Variants in ZNF207 observed in about 807,000 individuals in gnomAD.
ZNF207 encodes the protein BUB3-interacting and GLEBS motif-containing protein ZNF207.
ZNF207 carries 24 observed loss-of-function variants against 60.2 expected under a neutral mutation model. The ratio of observed to expected loss-of-function variants is 0.40; its 90% CI spans 0.29 to 0.56. The LOEUF is 0.56. Among genes scored for constraint, ZNF207 ranks in the 20% least tolerant of loss-of-function variants. ZNF207 has a pLI of 0.49. For synonymous variants in ZNF207, 236 were observed against 194.7 expected (o/e 1.21, Z -1.77); for missense variants, 452 against 636.6 (o/e 0.71, Z 3.12).
intron 7 of ZNF207, among the ~76,000 whole-genome samples, chr17:32,364,221 T>C (rs1905049209): frequency 6.6e-6 from 1 of 152,100 alleles, no homozygotes; most frequent in Non-Finnish European, 1.5e-5. Context: ...GCTCTTTAGC[T>C]CCTTACGTAT....
At chr17:32,366,814 G>A in intron 9 of ZNF207, 57 bp downstream of exon 9, 2 of 1,430,152 alleles carry the variant, frequency 1.4e-6, no homozygotes, top group Admixed American at 2.5e-5. Context: ...TTAACCCTTT[G>A]GACCCTACTT....
chr17:32,369,980 CT>C lies in ZNF207; in HGVS notation c.*226del. ...AGTTGCAATTTATACTGTATGGCTT[CT>C]TTTTCATGTTTCATCTAGGTTTTTA... On this transcript the variant is annotated 3_prime_UTR_variant, in exon 12 of 12. Transcript: ENST00000394670. 2.4e-6 allele frequency: 1 copy of C among 420,582 alleles called. No individual in the cohort carries two copies. Among genetic ancestry groups the C allele is most frequent in the Non-Finnish European group, 3.9e-6 (1 of 256,718 alleles). The allele number at this position is 420,582 out of a possible 1,614,324, so 26.1% of individuals were successfully genotyped here.
chr17:32,351,430 A>C, intron 1 of ZNF207: 1 of 1,326,214 alleles, frequency 7.5e-7, no homozygotes. Context: ...ACAGAACCTT[A>C]GGGATTTCTT....
In ZNF207 at chr17:32,360,594, A is replaced by T; in HGVS notation, c.308-4A>T. On this transcript the variant is annotated splice_region_variant and splice_polypyrimidine_tract_variant and intron_variant, in intron 3 of 11. Coordinates refer to ENST00000394670, the MANE Select transcript of ZNF207 (RefSeq NM_001098507.2). ...CTATGGAAATAATTTTTTTTTTTTAACAGAAAGTCAAAAAAAGAAGCAACA... is the reference window on the plus strand; with the variant it reads ...CTATGGAAATAATTTTTTTTTTTTATCAGAAAGTCAAAAAAAGAAGCAACA... The T allele has an allele frequency of 3.2e-6, 5 of 1,582,012 alleles. No individual in the cohort carries two copies. The highest frequency in any genetic ancestry group is 4.3e-6 in the Non-Finnish European group (5 of 1,170,744).
rs1318867962 is a variant in ZNF207, at chr17:32,379,518, G to A, written c.*9759G>A. ...AGAAAGTTCTTAAACATTTTTTTTA[G>A]TTGGCAGCCAAAAGATTTTTCTTAG... On this transcript the variant is annotated 3_prime_UTR_variant, in exon 12 of 12. Transcript: ENST00000394670. 2.6e-5 allele frequency: 4 copies of A among 151,916 alleles called. No individual in the cohort carries two copies. Among genetic ancestry groups the A allele is most frequent in the African/African-American group, 9.7e-5 (4 of 41,374 alleles). The allele number at this position is 151,916 out of a possible 1,614,324, so 9.4% of individuals were successfully genotyped here. A position where few individuals can be genotyped will look rare whatever the true frequency, so the allele number is the denominator to read the frequency against.
chr17:32,360,368 A>G (rs1186685671), intron 3 of ZNF207, among the ~76,000 whole-genome samples: 2 of 152,106 alleles, frequency 1.3e-5, no homozygotes, highest in Non-Finnish European at 2.9e-5. Flanking sequence ...AAGAAAAAAT[A>G]CTGATTTAGG....
intron 10 of ZNF207, 44 bp from the exon 11 acceptor site, chr17:32,369,251 C>T: frequency 1.3e-6 from 2 of 1,593,688 alleles, no homozygotes; most frequent in Non-Finnish European, 1.7e-6. Context: ...CTTGGTGAGC[C>T]TCTGCATTCG....
At position 32,374,337 on chromosome 17, in the gene ZNF207, C is replaced by T. The variant is rs1041899814; in HGVS notation, c.*4578C>T. On this transcript the variant is annotated 3_prime_UTR_variant, in exon 12 of 12. Coordinates refer to ENST00000394670, the MANE Select transcript of ZNF207 (RefSeq NM_001098507.2). The stretch of plus-strand genomic sequence containing the variant: ...GATTCAAGCGATTCTCCTGTCTCAG[C>T]CTCCCGAGTAGCTGGGACTACAGGT... 6.6e-6 allele frequency: 1 copy of T among 151,306 alleles called. No individual in the cohort carries two copies. The highest frequency in any genetic ancestry group is 2.0e-4 in the East Asian group (1 of 5,110). The allele number at this position is 151,306 out of a possible 1,614,324, so 9.4% of individuals were successfully genotyped here. A position where few individuals can be genotyped will look rare whatever the true frequency, so the allele number is the denominator to read the frequency against.
rs1230543753 is a variant in ZNF207 at position 32,370,308 on chromosome 17, T to C, written c.*549T>C. 6.5e-6 allele frequency: 1 copy of C among 152,710 alleles called. No homozygotes were observed. Among genetic ancestry groups the C allele is most frequent in the Admixed American group, 6.5e-5 (1 of 15,284 alleles). The allele number at this position is 152,710 out of a possible 1,614,324, so 9.5% of individuals were successfully genotyped here. On this transcript the variant is annotated 3_prime_UTR_variant, in exon 12 of 12. Transcript: ENST00000394670. Reference sequence around the variant, plus strand: ...CCAAGGTCATGTGACTTTTCTGTACTGTTAAACTTCATTGTAATAAAATGA... The same window carrying C: ...CCAAGGTCATGTGACTTTTCTGTACCGTTAAACTTCATTGTAATAAAATGA...
chr17:32,369,839 A>G lies in ZNF207; in HGVS notation c.*80A>G. The G allele has an allele frequency of 7.5e-7, 1 of 1,330,508 alleles. No homozygotes were observed. The highest frequency in any genetic ancestry group is 9.8e-7 in the Non-Finnish European group (1 of 1,024,662). 82.4% of individuals were successfully genotyped at this position (1,330,508 alleles called of 1,614,324 possible). On this transcript the variant is annotated 3_prime_UTR_variant, in exon 12 of 12. Coordinates refer to ENST00000394670, the MANE Select transcript of ZNF207 (RefSeq NM_001098507.2). Reference sequence around the variant, plus strand: ...CTGTTTATATAGCCAAGCTTCCGTCAATAAGGCTTCATTGTGACTTTAACA... The same window carrying G: ...CTGTTTATATAGCCAAGCTTCCGTCGATAAGGCTTCATTGTGACTTTAACA...
intron 8 of ZNF207, 85 bp downstream of exon 8, chr17:32,365,572 G>A (rs1905121507): frequency 7.7e-7 from 1 of 1,300,948 alleles, no homozygotes; most frequent in Admixed American, 3.6e-5. Flanking sequence ...ATTTTCATAG[G>A]TCAATTTTTT....
chr17:32,351,759 T>TC (rs766428045), intron 1 of ZNF207, 27 bp from the exon 2 acceptor site: 2 of 1,608,512 alleles, frequency 1.2e-6, no homozygotes, highest in Non-Finnish European at 1.7e-6. Flanking sequence ...CATTAGGCTG[T>TC]CTTTGTGCCT....
chr17:32,356,826 A>C (rs1904534807), intron 2 of ZNF207, among the ~76,000 whole-genome samples: 1 of 152,194 alleles, frequency 6.6e-6, no homozygotes, highest in African/African-American at 2.4e-5. Flanking sequence ...AGAAGCGCTT[A>C]TGTAGCAAAA....
rs1025294765 is a variant in ZNF207 at position 32,380,283 on chromosome 17, A to G, written c.*10524A>G. The G allele has an allele frequency of 1.3e-5, 2 of 152,648 alleles. No individual in the cohort carries two copies. Among genetic ancestry groups the G allele is most frequent in the Non-Finnish European group, 2.9e-5 (2 of 68,042 alleles). The allele number at this position is 152,648 out of a possible 1,614,324, so 9.5% of individuals were successfully genotyped here. ...AAGGTAATGTTTAAAAGTGAGCAAT[A>G]ATTATTGCATCTCTTTTGCGACTTC... On this transcript the variant is annotated 3_prime_UTR_variant, in exon 12 of 12. Transcript: ENST00000394670.
intron 8 of ZNF207, 59 bp from the exon 9 acceptor site, chr17:32,366,606 G>C: frequency 7.0e-7 from 1 of 1,433,330 alleles, no homozygotes; most frequent in Admixed American, 2.3e-5. Flanking sequence ...CTACCACATG[G>C]CTTATTTTGA....
In ZNF207 at chr17:32,350,338, CGGT is replaced by C; in HGVS notation, c.41+13_41+15del. The stretch of plus-strand genomic sequence containing the variant: ...AAGCCGTGGTGCTGGTATCCTTTGT[CGGT>C]TTGAAGTCGAGGTCGCGTTGGGGTG... On this transcript the variant is annotated intron_variant, in intron 1 of 11. Transcript: ENST00000394670. 1 of 1,613,994 alleles carries C rather than the reference CGGT, an allele frequency of 6.2e-7. No homozygotes were observed. The highest frequency in any genetic ancestry group is 8.5e-7 in the Non-Finnish European group (1 of 1,180,002).
intron 10 of ZNF207, chr17:32,368,274 C>A (rs1935309412): frequency 8.4e-6 from 4 of 473,486 alleles, no homozygotes; most frequent in Non-Finnish European, 1.5e-5. Flanking sequence ...AGGTTCTTAA[C>A]TCTCTTAAAA....
Position 32,369,845 on chromosome 17 carries a change from G to T in ZNF207, c.*86G>T. On this transcript the variant is annotated 3_prime_UTR_variant, in exon 12 of 12. Coordinates refer to ENST00000394670, the MANE Select transcript of ZNF207 (RefSeq NM_001098507.2). ...ATATAGCCAAGCTTCCGTCAATAAG[G>T]CTTCATTGTGACTTTAACAAACATT... 7.7e-7 allele frequency: 1 copy of T among 1,302,172 alleles called. No individual in the cohort carries two copies. Among genetic ancestry groups the T allele is most frequent in the Non-Finnish European group, 1.0e-6 (1 of 1,004,954 alleles). 80.7% of individuals were successfully genotyped at this position (1,302,172 alleles called of 1,614,324 possible).
At chr17:32,355,891 A>T (rs1319802802) in intron 2 of ZNF207, among the ~76,000 whole-genome samples, 1 of 152,170 alleles carries the variant, frequency 6.6e-6, no homozygotes, top group East Asian at 1.9e-4. Context: ...GCGATTTCCA[A>T]GAGTGGTGAG....
Sources: allele counts gnomAD v4.1 joint callset (sites outside exome capture counted in the v4.1 genomes callset), GRCh38; gene constraint gnomAD v4.1.1; transcripts MANE v1.5; gene names NCBI Gene and HGNC (gene_info 2026-07-23, HGNC 2026-07-21).